The following MATR3 variants were observed in gnomAD, a reference collection of about 807,000 sequenced individuals.
MATR3 encodes the protein matrin-3.
MATR3 carries 4 observed loss-of-function variants against 85.5 expected under a neutral mutation model. The observed-to-expected ratio is 0.05, with a 90% confidence interval of 0.02 to 0.11. The LOEUF (loss-of-function observed/expected upper bound fraction) is 0.11, where lower values mean the gene tolerates loss of function less well. MATR3 is among the 10% of genes least tolerant of loss of function. The pLI is 1.00. For missense variants in MATR3, 685 were observed against 1,016.1 expected (o/e 0.67, Z 4.43); for synonymous variants, 336 against 343.1 (o/e 0.98, Z 0.23).
At chr5:139,316,901 T>TA in intron 5 of MATR3, 152 bp from the exon 6 acceptor site, 1 of 697,050 alleles carries the variant, frequency 1.4e-6, no homozygotes, top group South Asian at 1.6e-5. Context: ...ATTCAAATAT[T>TA]ACACAGAAAA....
intron 1 of MATR3, among the ~76,000 whole-genome samples, chr5:139,275,489 C>T (rs1753242418): frequency 1.3e-5 from 2 of 152,104 alleles, no homozygotes; most frequent in South Asian, 2.1e-4. Flanking sequence ...GATAACTTTT[C>T]CCTTTTTACT....
At chr5:139,309,184 T>C (rs1754848454) in intron 2 of MATR3, among the ~76,000 whole-genome samples, 1 of 152,222 alleles carries the variant, frequency 6.6e-6, no homozygotes, top group Non-Finnish European at 1.5e-5. Flanking sequence ...TTGTCCTTTC[T>C]CTTTCAACTT....
At chr5:139,299,308 T>G (rs1754322072) in intron 1 of MATR3, among the ~76,000 whole-genome samples, 1 of 152,154 alleles carries the variant, frequency 6.6e-6, no homozygotes, top group South Asian at 2.1e-4. Flanking sequence ...GACGTTTCTG[T>G]AAGGTGTTTG....
intron 6 of MATR3, 49 bp downstream of exon 6, chr5:139,317,154 ATGATT>A: frequency 6.4e-7 from 1 of 1,562,868 alleles, no homozygotes; most frequent in Non-Finnish European, 8.8e-7. Flanking sequence ...TTTTGGGAAT[ATGATT>A]TGACCTAAAT....
intron 6 of MATR3, 64 bp downstream of exon 6, chr5:139,317,169 T>G: frequency 1.4e-6 from 2 of 1,467,810 alleles, no homozygotes; most frequent in Non-Finnish European, 1.9e-6. Context: ...TTGACCTAAA[T>G]CCTTACTAGT....
chr5:139,321,731 C>T (rs1755582022), intron 9 of MATR3, 167 bp from the exon 10 acceptor site: 1 of 682,622 alleles, frequency 1.5e-6, no homozygotes, highest in Non-Finnish European at 2.4e-6. Context: ...TTCAGCAAGC[C>T]AGGATTGCGC....
chr5:139,316,630 C>A (rs907059793), intron 5 of MATR3, among the ~76,000 whole-genome samples: 2 of 152,058 alleles, frequency 1.3e-5, no homozygotes, highest in Non-Finnish European at 2.9e-5. Context: ...TCACTGCAAC[C>A]CCTGCCTCCC....
Position 139,316,073 on chromosome 5 carries a change from T to C in MATR3, c.1017-3T>C. The stretch of plus-strand genomic sequence containing the variant: ...TTTATATTTTATGTCTTCACTTTAC[T>C]AGGGGTGATCCATTCATGTTGCAGC... On this transcript the variant is annotated splice_polypyrimidine_tract_variant and splice_region_variant and intron_variant, in intron 4 of 14. Transcript: ENST00000394805. 1 of 1,549,758 alleles carries C rather than the reference T, an allele frequency of 6.5e-7. No individual in the cohort carries two copies. The highest frequency in any genetic ancestry group is 8.9e-7 in the Non-Finnish European group (1 of 1,125,832).
chr5:139,322,489 G>A lies in MATR3; in HGVS notation c.1761G>A (p.Leu587=). ...TTCCAAACAGAGGCATTGATTTACT[G>A]AAAAAAGATAAATCCCGGTAATTTC... ...LRIPNRGIDL[L]KKDKSRKRSY... is the part of the protein sequence containing the mutation. Residue 587 remains leucine (L), a synonymous_variant, in exon 11 of 15, where the codon CTG becomes CTA. Transcript: ENST00000394805. The A allele has an allele frequency of 6.2e-7, 1 of 1,613,882 alleles. No individual in the cohort carries two copies. Among genetic ancestry groups the A allele is most frequent in the Non-Finnish European group, 8.5e-7 (1 of 1,179,896 alleles).
chr5:139,304,972 G>A (rs896599217), intron 1 of MATR3, among the ~76,000 whole-genome samples: 7 of 152,112 alleles, frequency 4.6e-5, no homozygotes, highest in Non-Finnish European at 8.8e-5. Context: ...GCCACATCTG[G>A]TTTCTCCCAA....
At chr5:139,285,748 AAG>A (rs1432622800) in intron 3 of MATR3, among the ~76,000 whole-genome samples, 1 of 152,238 alleles carries the variant, frequency 6.6e-6, no homozygotes, top group Non-Finnish European at 1.5e-5. Context: ...AATCATTAAA[AAG>A]AACCAAATTC....
chr5:139,293,670 G>T (rs1561924451), upstream of MATR3: 1 of 276,666 alleles, frequency 3.6e-6, no homozygotes, highest in East Asian at 5.9e-5. Context: ...TCTCTCGCGA[G>T]AGTGGGTTTG....
upstream of MATR3, among the ~76,000 whole-genome samples, chr5:139,290,181 CTTT>C (rs879575088): frequency 6.9e-6 from 1 of 144,192 alleles, no homozygotes. Context: ...ACTTAAGGTT[CTTT>C]TTTTTTTTTG....
intron 1 of MATR3, among the ~76,000 whole-genome samples, chr5:139,304,760 A>G (rs532811559): frequency 2.6e-5 from 4 of 152,336 alleles, no homozygotes; most frequent in South Asian, 4.1e-4. Context: ...TAGAAAGGCA[A>G]TTTTATAATT....
chr5:139,302,673 A>C (rs185940070), intron 1 of MATR3, among the ~76,000 whole-genome samples: 2 of 152,358 alleles, frequency 1.3e-5, no homozygotes, highest in Non-Finnish European at 2.9e-5. Flanking sequence ...GCTACCTTCC[A>C]AATGGTGCTG....
intron 2 of MATR3, among the ~76,000 whole-genome samples, chr5:139,309,485 A>C (rs1240108305): frequency 2.0e-5 from 3 of 152,130 alleles, no homozygotes; most frequent in Non-Finnish European, 4.4e-5. Context: ...AGACTAAATC[A>C]TACCATTGTT....
At chr5:139,285,144 A>C (rs1203222408) in intron 3 of MATR3, 1 of 152,146 alleles carries the variant, frequency 6.6e-6, no homozygotes, top group African/African-American at 2.4e-5. Flanking sequence ...AGTCTTGTAA[A>C]TTTCTGCTTC....
intron 2 of MATR3, chr5:139,310,684 G>A (rs1349235174): frequency 1.3e-5 from 2 of 152,250 alleles, no homozygotes; most frequent in African/African-American, 4.8e-5. Flanking sequence ...AACTTAAGTT[G>A]AAAATAATTT....
At chr5:139,315,927 T>C (rs1755217751) in intron 4 of MATR3, 149 bp from the exon 5 acceptor site, 1 of 766,962 alleles carries the variant, frequency 1.3e-6, no homozygotes, top group Middle Eastern at 3.7e-4. Flanking sequence ...CTTTTATTGT[T>C]AATGTAGACT....
Sources: allele counts gnomAD v4.1 joint callset (sites outside exome capture counted in the v4.1 genomes callset), GRCh38; gene constraint gnomAD v4.1.1; transcripts MANE v1.5; gene names NCBI Gene and HGNC (gene_info 2026-07-23, HGNC 2026-07-21).